Variants in LDB2 observed in about 807,000 individuals in gnomAD.
LDB2 encodes LIM domain-binding protein 2.
A neutral mutation model predicts 44.3 loss-of-function variants in LDB2; 12 were observed. The observed-to-expected ratio is 0.27, with a 90% CI of 0.17 to 0.44. The LOEUF (loss-of-function observed/expected upper bound fraction) is 0.44. Among genes scored for constraint, LDB2 ranks in the 20% least tolerant of loss-of-function variants. The pLI is 1.00. For missense variants in LDB2, 344 were observed against 473.5 expected (o/e 0.73, Z 2.54); for synonymous variants, 164 against 174.8 (o/e 0.94, Z 0.49).
chr4:16,573,726 C>T (rs985929144), intron 5 of LDB2, among the ~76,000 whole-genome samples: 4 of 152,056 alleles, frequency 2.6e-5, no homozygotes, highest in East Asian at 1.9e-4. Context: ...GGGTTTCTTG[C>T]GGCTCTGTCA....
chr4:16,766,747 C>T (rs1769398258), intron 1 of LDB2, among the ~76,000 whole-genome samples: 1 of 151,948 alleles, frequency 6.6e-6, no homozygotes, highest in Non-Finnish European at 1.5e-5. Flanking sequence ...TTCAGGTGAT[C>T]CACCTGCCTC....
chr4:16,581,556 C>T (rs758925945), intron 5 of LDB2: 1 of 333,430 alleles, frequency 3.0e-6, no homozygotes, highest in Non-Finnish European at 4.3e-6. Flanking sequence ...TCCTAGAGCT[C>T]CCCAAGTCAC....
At chr4:16,529,505 A>G (rs1325348035) in intron 5 of LDB2, among the ~76,000 whole-genome samples, 1 of 152,176 alleles carries the variant, frequency 6.6e-6, no homozygotes, top group South Asian at 2.1e-4. Context: ...CTCCAGTGTC[A>G]TTTCAATGTG....
At chr4:16,818,131 G>A (rs1306942487) in intron 1 of LDB2, among the ~76,000 whole-genome samples, 2 of 152,102 alleles carry the variant, frequency 1.3e-5, no homozygotes, top group Non-Finnish European at 2.9e-5. Flanking sequence ...GCCCCTCAAA[G>A]GGGATAACTG....
chr4:16,545,925 C>T (rs745501189), intron 5 of LDB2, among the ~76,000 whole-genome samples: 3 of 152,178 alleles, frequency 2.0e-5, no homozygotes, highest in Non-Finnish European at 2.9e-5. Flanking sequence ...CTCTGGCACC[C>T]GCCGTATGCA....
chr4:16,685,499 C>T (rs1749013763), intron 2 of LDB2, among the ~76,000 whole-genome samples: 1 of 152,050 alleles, frequency 6.6e-6, no homozygotes, highest in South Asian at 2.1e-4. Flanking sequence ...GTTACATAAA[C>T]TCTATAAGGC....
At chr4:16,607,884 T>G (rs762332422) in intron 2 of LDB2, among the ~76,000 whole-genome samples, 6 of 152,146 alleles carry the variant, frequency 3.9e-5, no homozygotes, top group Admixed American at 6.5e-5. Flanking sequence ...AAACCTGTTA[T>G]GCATACGCAC....
chr4:16,719,148 T>C (rs1757692413), intron 2 of LDB2, among the ~76,000 whole-genome samples: 1 of 152,004 alleles, frequency 6.6e-6, no homozygotes, highest in Non-Finnish European at 1.5e-5. Flanking sequence ...TATAAATTGC[T>C]TGATTTTCCA....
chr4:16,604,220 C>T (rs1483398895), intron 2 of LDB2, among the ~76,000 whole-genome samples: 2 of 152,050 alleles, frequency 1.3e-5, no homozygotes, highest in Non-Finnish European at 2.9e-5. Flanking sequence ...TTCTTAAGAT[C>T]CTTGAATATT....
At chr4:16,606,045 CAG>C (rs1256431645) in intron 2 of LDB2, among the ~76,000 whole-genome samples, 1 of 152,232 alleles carries the variant, frequency 6.6e-6, no homozygotes, top group Non-Finnish European at 1.5e-5. Context: ...CCACCAATCT[CAG>C]TGCCTTCACC....
At chr4:16,857,677 C>T (rs1789625186) in intron 1 of LDB2, among the ~76,000 whole-genome samples, 1 of 152,184 alleles carries the variant, frequency 6.6e-6, no homozygotes, top group South Asian at 2.1e-4. Flanking sequence ...TGGCTCTTCC[C>T]TTTGCCTGGA....
chr4:16,665,256 T>TC lies in LDB2; in HGVS notation c.236-69382_236-69381insG, dbSNP rs539279102. On this transcript the variant is annotated intron_variant, in intron 2 of 7. Transcript: ENST00000304523. ...GTTCCCCAGAAGTAGATATTCTCTT[T>TC]TTTTTTCATTTCTTTTTTTTTTTTT... Among the ~76,000 whole-genome samples, 170 of 133,628 alleles carry TC rather than the reference T, an allele frequency of 1.3e-3. 1 individual carries two copies. Among genetic ancestry groups the TC allele is most frequent in the Non-Finnish European group, 2.1e-3 (137 of 65,464 alleles). 87.7% of individuals were successfully genotyped at this position (133,628 alleles called of 152,430 possible).
At chr4:16,748,468 G>A (rs1184240722) in intron 2 of LDB2, among the ~76,000 whole-genome samples, 1 of 152,166 alleles carries the variant, frequency 6.6e-6, no homozygotes, top group African/African-American at 2.4e-5. Context: ...ACCCTGATGG[G>A]TAATTTTGTC....
intron 5 of LDB2, among the ~76,000 whole-genome samples, chr4:16,544,727 G>A (rs1406094455): frequency 6.6e-6 from 1 of 152,152 alleles, no homozygotes; most frequent in Non-Finnish European, 1.5e-5. Flanking sequence ...AAACCTTGGA[G>A]GAACCAGTTT....
At chr4:16,561,483 A>G (rs1443927393) in intron 5 of LDB2, among the ~76,000 whole-genome samples, 1 of 152,220 alleles carries the variant, frequency 6.6e-6, no homozygotes, top group East Asian at 1.9e-4. Context: ...CTCAAAGAGA[A>G]TAAAATACCT....
chr4:16,519,212 A>G (rs1262013870), intron 5 of LDB2, among the ~76,000 whole-genome samples: 1 of 152,168 alleles, frequency 6.6e-6, no homozygotes, highest in Non-Finnish European at 1.5e-5. Flanking sequence ...TGCCTAGTCT[A>G]TGTCTATCCC....
At chr4:16,701,696 C>T (rs1753475508) in intron 2 of LDB2, among the ~76,000 whole-genome samples, 1 of 152,182 alleles carries the variant, frequency 6.6e-6, no homozygotes, top group Non-Finnish European at 1.5e-5. Flanking sequence ...CAGCTGCAGC[C>T]TGTGAGCTAG....
At chr4:16,513,736 G>T (rs910169144) in intron 5 of LDB2, among the ~76,000 whole-genome samples, 1 of 152,126 alleles carries the variant, frequency 6.6e-6, no homozygotes, top group Non-Finnish European at 1.5e-5. Flanking sequence ...CCAAGTGAAG[G>T]CCTCTGTATA....
chr4:16,839,842 A>G (rs1429588369), intron 1 of LDB2, among the ~76,000 whole-genome samples: 1 of 152,160 alleles, frequency 6.6e-6, no homozygotes, highest in African/African-American at 2.4e-5. Flanking sequence ...TGATTTGTAG[A>G]TGAGGAAACT....
Sources: allele counts gnomAD v4.1 joint callset (sites outside exome capture counted in the v4.1 genomes callset), GRCh38; gene constraint gnomAD v4.1.1; transcripts MANE v1.5; gene names NCBI Gene and HGNC (gene_info 2026-07-23, HGNC 2026-07-21).